RGL1: variants seen among roughly 807,000 people sequenced by gnomAD.
The protein encoded by RGL1 is ral guanine nucleotide dissociation stimulator-like 1.
A neutral mutation model predicts 95.2 loss-of-function variants in RGL1; 24 were observed. The ratio of observed to expected loss-of-function variants is 0.25; its 90% CI spans 0.18 to 0.35. The LOEUF is 0.35. RGL1 is among the 10% of genes least tolerant of loss of function. RGL1 has a pLI of 1.00. For synonymous variants in RGL1, 329 were observed against 344.9 expected (o/e 0.95, Z 0.51); for missense variants, 715 against 936.3 (o/e 0.76, Z 3.08).
chr1:183,849,664 T>C (rs1664704614), intron 3 of RGL1, among the ~76,000 whole-genome samples: 1 of 151,896 alleles, frequency 6.6e-6, no homozygotes. Context: ...CTAATTTTTG[T>C]ATTTTTTGTA....
rs768276749 is a variant in RGL1 at position 183,916,718 on chromosome 1, G to T, written c.2004+17G>T. 50 of 1,604,690 alleles carry T rather than the reference G, an allele frequency of 3.1e-5. No homozygotes were observed. The highest frequency in any genetic ancestry group is 3.9e-5 in the Non-Finnish European group (46 of 1,176,128). On this transcript the variant is annotated intron_variant, in intron 16 of 17. Transcript: ENST00000360851. ...AGCATCATGGTGAGGAGCAAGCCCT[G>T]ACCCAGGAGCGGGTTTCCATTTAGA...
At chr1:183,780,229 T>C (rs1441289821) in intron 2 of RGL1, among the ~76,000 whole-genome samples, 2 of 152,198 alleles carry the variant, frequency 1.3e-5, no homozygotes, top group African/African-American at 2.4e-5. Flanking sequence ...GCATGATAAA[T>C]TTGAACTGTT....
chr1:183,752,610 A>G (rs1235554981), intron 2 of RGL1, among the ~76,000 whole-genome samples: 1 of 71,074 alleles, frequency 1.4e-5, no homozygotes, highest in Non-Finnish European at 2.9e-5. Context: ...TCAGCTCGAG[A>G]ACACTTTTTT....
chr1:183,869,773 G>A (rs2102604621), intron 4 of RGL1, among the ~76,000 whole-genome samples: 1 of 152,324 alleles, frequency 6.6e-6, no homozygotes, highest in South Asian at 2.1e-4. Flanking sequence ...AATCAGGGAA[G>A]CATCTTCTCC....
intron 2 of RGL1, among the ~76,000 whole-genome samples, chr1:183,844,743 TATAG>T (rs1246110250): frequency 6.6e-6 from 1 of 152,172 alleles, no homozygotes; most frequent in African/African-American, 2.4e-5. Flanking sequence ...TAAAACTACA[TATAG>T]AGTGATAAAG....
chr1:183,801,861 C>A (rs1661011984), upstream of RGL1, among the ~76,000 whole-genome samples: 1 of 152,114 alleles, frequency 6.6e-6, no homozygotes, highest in Non-Finnish European at 1.5e-5. Flanking sequence ...TCAGCTCTCA[C>A]TGGAACTAAT....
intron 10 of RGL1, among the ~76,000 whole-genome samples, 165 bp from the exon 11 acceptor site, chr1:183,899,985 T>G (rs2102694280): frequency 6.6e-6 from 1 of 152,372 alleles, no homozygotes; most frequent in Admixed American, 6.5e-5. Flanking sequence ...TCATGGAGTT[T>G]CTATCCTATT....
chr1:183,872,974 G>C (rs1373100947), intron 4 of RGL1, among the ~76,000 whole-genome samples: 5 of 152,172 alleles, frequency 3.3e-5, no homozygotes, highest in African/African-American at 1.2e-4. Context: ...CCATATCGAA[G>C]AGTCTGGTAT....
intron 2 of RGL1, among the ~76,000 whole-genome samples, chr1:183,835,024 G>A (rs527689498): frequency 4.6e-5 from 7 of 152,108 alleles, no homozygotes; most frequent in East Asian, 1.9e-4. Context: ...TACCAAGAGC[G>A]GGTCACAAGC....
intron 1 of RGL1, among the ~76,000 whole-genome samples, chr1:183,643,129 A>G (rs906146379): frequency 2.6e-5 from 4 of 152,232 alleles, no homozygotes; most frequent in Non-Finnish European, 4.4e-5. Flanking sequence ...ATAATATTCC[A>G]TTGTATGTAT....
At chr1:183,847,115 A>G (rs1664495345) in intron 2 of RGL1, among the ~76,000 whole-genome samples, 1 of 152,128 alleles carries the variant, frequency 6.6e-6, no homozygotes. Context: ...AACTCATAGG[A>G]GAGAGCATTG....
rs759095376 is a variant in RGL1 at position 183,648,799 on chromosome 1, T to C, written c.-33+12298T>C. The C allele has an allele frequency of 2.6e-6, 4 of 1,551,942 alleles. No homozygotes were observed. The Admixed American group carries it at 8.0e-5, about 31-fold the overall frequency. ...GGCTCCATTGCTAGATTTACTGTCT[T>C]CTAGCTGCAAACCTAAACAAGGAAG... On this transcript the variant is annotated intron_variant, in intron 1 of 18. Transcript: ENST00000304685.
rs577708627 is a variant in RGL1 at position 183,734,160 on chromosome 1, A to AT, written c.-32-7960dup. Among the ~76,000 whole-genome samples the AT allele has an allele frequency of 3.7e-3, 570 of 152,254 alleles. 3 individuals are homozygous for AT. The highest frequency in any genetic ancestry group is 6.4e-3 in the Non-Finnish European group (436 of 68,004). On this transcript the variant is annotated intron_variant, in intron 1 of 18. Transcript: ENST00000304685. ...GTGTATTAACTGGTAAACTCAACAG[A>AT]TTTTTTCCCCTGTGAATCTAACATT...
intron 2 of RGL1, among the ~76,000 whole-genome samples, chr1:183,819,995 C>T (rs1293973640): frequency 1.3e-5 from 2 of 152,014 alleles, no homozygotes; most frequent in Non-Finnish European, 2.9e-5. Context: ...CTATGTTGCC[C>T]AAGCTTGTCT....
chr1:183,888,615 G>A (rs371007887), intron 8 of RGL1, 38 bp downstream of exon 8: 14 of 1,319,994 alleles, frequency 1.1e-5, no homozygotes, highest in East Asian at 4.6e-5. Flanking sequence ...TTCTTTGGCC[G>A]GGATAATTAG....
At chr1:183,795,875 A>G (rs920273651) in intron 2 of RGL1, among the ~76,000 whole-genome samples, 1 of 152,202 alleles carries the variant, frequency 6.6e-6, no homozygotes, top group East Asian at 1.9e-4. Flanking sequence ...TGTAATCTCT[A>G]TATTATGACG....
chr1:183,671,232 T>A (rs1652431376), intron 1 of RGL1, among the ~76,000 whole-genome samples: 1 of 152,164 alleles, frequency 6.6e-6, no homozygotes, highest in African/African-American at 2.4e-5. Flanking sequence ...GGGATTACAA[T>A]TCAAGATGAG....
chr1:183,821,355 G>T (rs1281528063), intron 2 of RGL1, among the ~76,000 whole-genome samples: 1 of 152,112 alleles, frequency 6.6e-6, no homozygotes, highest in East Asian at 1.9e-4. Context: ...GAACAGAATG[G>T]AATAGAAAAT....
At chr1:183,744,186 A>G (rs12030679) in intron 2 of RGL1, among the ~76,000 whole-genome samples, 6,626 of 152,308 alleles carry the variant, frequency 0.044, 182 homozygotes, top group East Asian at 0.079. Context: ...TTAAAATTCA[A>G]ATTCCTAATA....
Sources: allele counts gnomAD v4.1 joint callset (sites outside exome capture counted in the v4.1 genomes callset), GRCh38; gene constraint gnomAD v4.1.1; transcripts MANE v1.5; gene names NCBI Gene and HGNC (gene_info 2026-07-23, HGNC 2026-07-21).